Variants in MPHOSPH9 observed in about 807,000 individuals in gnomAD.
MPHOSPH9 encodes the protein M-phase phosphoprotein 9.
MPHOSPH9 carries 88 observed loss-of-function variants against 145.5 expected under a neutral mutation model. The observed-to-expected ratio is 0.60, with a 90% confidence interval of 0.51 to 0.72. The LOEUF (loss-of-function observed/expected upper bound fraction) is 0.72, where lower values mean the gene tolerates loss of function less well. Among genes scored for constraint, MPHOSPH9 ranks in the 30% least tolerant of loss-of-function variants. The pLI is 0.00. For missense variants in MPHOSPH9, 1,238 were observed against 1,386.6 expected (o/e 0.89, Z 1.70); for synonymous variants, 435 against 486.2 (o/e 0.89, Z 1.39).
chr12:123,211,640 G>A (rs1159435407), intron 7 of MPHOSPH9, among the ~76,000 whole-genome samples: 4 of 150,502 alleles, frequency 2.7e-5, no homozygotes, highest in Non-Finnish European at 4.4e-5. Context: ...ACAGTTGTGA[G>A]CTACCAGGTC....
Position 123,170,677 on chromosome 12 carries a change from A to G in MPHOSPH9, c.2457-3888T>C, listed in dbSNP as rs532055905. 1.6e-4 allele frequency among the ~76,000 whole-genome samples: 24 copies of G among 152,344 alleles called. No individual in the cohort carries two copies. In the South Asian group the frequency reaches 2.7e-3, roughly 17 times the overall value. The stretch of plus-strand genomic sequence containing the variant: ...TTTATCATTTACCCATAGTATGAAT[A>G]TATTTGTCCTTTCTCCCGGCAGTGG... On this transcript the variant is annotated intron_variant, in intron 16 of 23. Transcript: ENST00000606320.
intron 13 of MPHOSPH9, among the ~76,000 whole-genome samples, chr12:123,191,005 T>C (rs1283971814): frequency 5.9e-5 from 9 of 152,142 alleles, no homozygotes; most frequent in South Asian, 2.1e-4. Context: ...ATAACTGTGG[T>C]GGGTTTGTGA....
intron 15 of MPHOSPH9, among the ~76,000 whole-genome samples, chr12:123,177,080 C>T (rs1438799727): frequency 6.6e-6 from 1 of 152,096 alleles, no homozygotes; most frequent in African/African-American, 2.4e-5. Flanking sequence ...GTCCCAGCTA[C>T]TCGGGGGGCT....
At chr12:123,174,171 A>G (rs986125072) in intron 16 of MPHOSPH9, among the ~76,000 whole-genome samples, 5 of 152,108 alleles carry the variant, frequency 3.3e-5, no homozygotes, top group Non-Finnish European at 7.4e-5. Flanking sequence ...GAGCACAGGG[A>G]AACACAAGTT....
intron 3 of MPHOSPH9, chr12:123,226,288 A>T (rs1626703): frequency 4.6e-6 from 5 of 1,083,248 alleles, no homozygotes; most frequent in Non-Finnish European, 4.6e-6. Context: ...AAATAATTAC[A>T]CTTAGCAGTT....
chr12:123,243,074 G>A (rs1314032781), intron 1 of MPHOSPH9, among the ~76,000 whole-genome samples: 4 of 152,008 alleles, frequency 2.6e-5, no homozygotes, highest in Non-Finnish European at 5.9e-5. Flanking sequence ...AAAGTGCCTG[G>A]GTTTATCATT....
intron 13 of MPHOSPH9, among the ~76,000 whole-genome samples, chr12:123,194,045 G>A (rs185067755): frequency 1.3e-5 from 2 of 152,228 alleles, no homozygotes; most frequent in African/African-American, 4.8e-5. Flanking sequence ...GAGGCGGGCG[G>A]ATCACCTGAG....
At chr12:123,166,830 C>T in intron 16 of MPHOSPH9, 41 bp from the exon 17 acceptor site, 1 of 1,592,628 alleles carries the variant, frequency 6.3e-7, no homozygotes, top group Non-Finnish European at 8.5e-7. Flanking sequence ...AAGGTCTGCA[C>T]TTCATTTCAG....
intron 13 of MPHOSPH9, among the ~76,000 whole-genome samples, chr12:123,184,668 T>G (rs982662886): frequency 6.6e-6 from 1 of 151,962 alleles, no homozygotes; most frequent in African/African-American, 2.4e-5. Flanking sequence ...CAGCTAATTT[T>G]TTTGTATTTT....
At chr12:123,223,599 C>A (rs1442651626) in intron 3 of MPHOSPH9, among the ~76,000 whole-genome samples, 2 of 152,172 alleles carry the variant, frequency 1.3e-5, no homozygotes, top group African/African-American at 4.8e-5. Context: ...CCTGATGTGC[C>A]CATCACCTCG....
At chr12:123,188,004 G>A (rs2045523665) in intron 13 of MPHOSPH9, among the ~76,000 whole-genome samples, 1 of 152,140 alleles carries the variant, frequency 6.6e-6, no homozygotes, top group Non-Finnish European at 1.5e-5. Flanking sequence ...GTGGGTGCCT[G>A]TAATCCCAGC....
rs1171429303 is a variant in MPHOSPH9 at position 123,156,235 on chromosome 12, T to G, written c.*572A>C. ...GTTTAAAGAAAATGAGTTATATTCA[T>G]GTAGTTTTCAAAGCTTTCCAAGAGT... On this transcript the variant is annotated 3_prime_UTR_variant, in exon 24 of 24. Transcript: ENST00000606320. The G allele has an allele frequency of 1.3e-5, 2 of 152,232 alleles. No homozygotes were observed. The highest frequency in any genetic ancestry group is 2.4e-5 in the African/African-American group (1 of 41,460). The allele number at this position is 152,232 out of a possible 1,614,324, so 9.4% of individuals were successfully genotyped here.
rs1790086 is a variant in MPHOSPH9 at position 123,187,971 on chromosome 12, A to C, written c.2241+6415T>G. Among the ~76,000 whole-genome samples, 880 of 152,120 alleles carry C rather than the reference A, an allele frequency of 5.8e-3. 6 individuals carry two copies. Among genetic ancestry groups the C allele is most frequent in the South Asian group, 0.044 (213 of 4,818 alleles). Reference sequence around the variant, plus strand: ...TGAAACTGTCTCTAGTAAAAATACAAAAAGAATTAGTGAGGCATGGTGGTG... The same window carrying C: ...TGAAACTGTCTCTAGTAAAAATACACAAAGAATTAGTGAGGCATGGTGGTG... On this transcript the variant is annotated intron_variant, in intron 13 of 23. Coordinates refer to ENST00000606320, the MANE Select transcript of MPHOSPH9 (RefSeq NM_022782.4).
rs1565922535 is a variant in MPHOSPH9 at position 123,185,178 on chromosome 12, A to C, written c.2242-3968T>G. ...ACATTAAATATGAAAGATACTTCAA[A>C]TGAAAACAAAAGCTTAACTCAGAAT... On this transcript the variant is annotated intron_variant, in intron 13 of 23. Transcript: ENST00000606320. 2.0e-5 allele frequency among the ~76,000 whole-genome samples: 3 copies of C among 152,316 alleles called. No homozygotes were observed. The East Asian group carries it at 5.8e-4, about 29-fold the overall frequency.
chr12:123,232,004 T>C (rs2047658686), intron 1 of MPHOSPH9, among the ~76,000 whole-genome samples: 1 of 150,460 alleles, frequency 6.6e-6, no homozygotes, highest in South Asian at 2.1e-4. Context: ...CAGGGACCAT[T>C]TCCTTCAGGG....
chr12:123,210,789 G>A (rs1053812881), intron 7 of MPHOSPH9, among the ~76,000 whole-genome samples: 13 of 151,612 alleles, frequency 8.6e-5, no homozygotes, highest in African/African-American at 3.1e-4. Flanking sequence ...TGCCATCTCA[G>A]TCCACTGTGG....
At chr12:123,211,941 C>T (rs1314584739) in intron 7 of MPHOSPH9, among the ~76,000 whole-genome samples, 1 of 152,000 alleles carries the variant, frequency 6.6e-6, no homozygotes, top group Non-Finnish European at 1.5e-5. Flanking sequence ...GTGATCTGCG[C>T]ACCTTGGCTT....
intron 13 of MPHOSPH9, among the ~76,000 whole-genome samples, chr12:123,192,203 C>T (rs1422829487): frequency 6.6e-6 from 1 of 152,098 alleles, no homozygotes; most frequent in African/African-American, 2.4e-5. Context: ...CCTGTAATCC[C>T]TGCACTTTGA....
At chr12:123,215,035 A>C (rs1246017795) in intron 6 of MPHOSPH9, among the ~76,000 whole-genome samples, 1 of 152,202 alleles carries the variant, frequency 6.6e-6, no homozygotes, top group Non-Finnish European at 1.5e-5. Context: ...CGAGCTCAAA[A>C]GTTCGAAAAC....
Sources: gnomAD v4.1 joint callset for allele counts (sites outside exome capture counted in the v4.1 genomes callset) on GRCh38, gnomAD v4.1.1 for gene constraint, MANE v1.5 for transcripts, NCBI Gene and HGNC (gene_info 2026-07-23, HGNC 2026-07-21) for gene names.